AHRR: variants seen among roughly 807,000 people sequenced by gnomAD.
AHRR encodes the protein aryl hydrocarbon receptor repressor.
AHRR carries 28 observed loss-of-function variants against 44.0 expected under a neutral mutation model. The ratio of observed to expected loss-of-function variants is 0.64; its 90% CI spans 0.47 to 0.87. The LOEUF is 0.87. AHRR is among the 40% of genes least tolerant of loss of function. The pLI is 0.00. For synonymous variants in AHRR, 434 were observed against 407.0 expected (o/e 1.07, Z -0.80); for missense variants, 990 against 953.9 (o/e 1.04, Z -0.50).
intron 2 of AHRR, among the ~76,000 whole-genome samples, chr5:345,300 CTG>C (rs1161227755): frequency 1.2e-5 from 1 of 86,386 alleles, no homozygotes; most frequent in Non-Finnish European, 2.1e-5. Context: ...ATGTCCCTGG[CTG>C]TGTGTGGGGA....
intron 4 of AHRR, among the ~76,000 whole-genome samples, chr5:394,777 G>A (rs1466618814): frequency 2.0e-5 from 3 of 152,248 alleles, no homozygotes; most frequent in South Asian, 2.1e-4. Context: ...CCCTGGTTGC[G>A]TGGAGGGCAG....
chr5:351,005 C>T (rs1218966625), intron 2 of AHRR, among the ~76,000 whole-genome samples: 1 of 151,422 alleles, frequency 6.6e-6, no homozygotes, highest in Non-Finnish European at 1.5e-5. Flanking sequence ...TGAAAAGATG[C>T]TCAACATCAT....
At chr5:418,476 C>G (rs1038160755) in intron 5 of AHRR, among the ~76,000 whole-genome samples, 1 of 152,250 alleles carries the variant, frequency 6.6e-6, no homozygotes, top group Non-Finnish European at 1.5e-5. Context: ...CCTGCACCCT[C>G]CTCCACATGT....
chr5:434,191 C>T lies in AHRR; in HGVS notation c.1451C>T (p.Pro484Leu), dbSNP rs1736880059. The change falls in exon 11 of 11, where the codon CCC (proline) becomes CTC (leucine). Residue 484 changes from proline (P) to leucine (L), a missense_variant. Pro to Leu is a moderately conservative substitution (Grantham distance 98). Coordinates refer to ENST00000684583, the MANE Select transcript of AHRR (RefSeq NM_001377236.1). ...DQVHPPLCHF[P>L]QRSLQHQLPQ... Reference sequence around the variant, plus strand: ...GTGCACCCTCCCCTCTGCCACTTTCCCCAGAGGAGCCTGCAGCACCAGCTC... The same window carrying T: ...GTGCACCCTCCCCTCTGCCACTTTCTCCAGAGGAGCCTGCAGCACCAGCTC... The T allele has an allele frequency of 1.3e-6, 2 of 1,593,438 alleles. No homozygotes were observed. Among genetic ancestry groups the T allele is most frequent in the Non-Finnish European group, 1.7e-6 (2 of 1,169,982 alleles).
Position 434,914 on chromosome 5 carries a change from A to T in AHRR, c.*80A>T, listed in dbSNP as rs1736938425. 1 of 1,474,930 alleles carries T rather than the reference A, an allele frequency of 6.8e-7. No homozygotes were observed. Among genetic ancestry groups the T allele is most frequent in the African/African-American group, 1.4e-5 (1 of 71,828 alleles). 91.4% of individuals were successfully genotyped at this position (1,474,930 alleles called of 1,614,324 possible). ...TGGCTGGGCTGCCCTGCTCCTGGTC[A>T]GGCCGGAGCCCGTCCTAAGACACAC... On this transcript the variant is annotated 3_prime_UTR_variant, in exon 11 of 11. Transcript: ENST00000684583.
chr5:345,590 G>A (rs1742641450), intron 2 of AHRR, among the ~76,000 whole-genome samples: 1 of 150,882 alleles, frequency 6.6e-6, no homozygotes, highest in Admixed American at 6.6e-5. Context: ...GGGTGTGTGG[G>A]GGTGTGTCTG....
intron 2 of AHRR, among the ~76,000 whole-genome samples, chr5:347,541 G>C (rs115628399): frequency 0.065 from 9,867 of 152,238 alleles, 520 homozygotes; most frequent in Non-Finnish European, 0.087. Context: ...GGAAAAAAGA[G>C]GGAAAAAAGA....
In AHRR at chr5:434,514, CG is replaced by C. The variant is rs750379288; in HGVS notation, c.1780del (p.Ala594LeufsTer15). ...CATCTCGCACCTGGGGCACGGCGTG[CG>C]GGGGGCTCAGCCCCATGGGAGGGCC... is the stretch of plus-strand genomic sequence containing the variant. The part of the protein sequence containing the change: ...VYISHLGHGV[R>X]GAQPHGRATA... On this transcript the variant is annotated frameshift_variant, in exon 11 of 11. Transcript: ENST00000684583. 16 of 1,612,130 alleles carry C rather than the reference CG, an allele frequency of 9.9e-6. No homozygotes were observed. Among genetic ancestry groups the C allele is most frequent in the Non-Finnish European group, 1.2e-5 (14 of 1,179,690 alleles).
chr5:345,478 G>T (rs1208234200), intron 2 of AHRR, among the ~76,000 whole-genome samples: 1 of 131,144 alleles, frequency 7.6e-6, no homozygotes, highest in Non-Finnish European at 1.7e-5. Context: ...GTCCCTGGCT[G>T]TGTGTGGGGA....
intron 4 of AHRR, among the ~76,000 whole-genome samples, chr5:394,009 T>C (rs1734588014): frequency 6.6e-6 from 1 of 152,200 alleles, no homozygotes; most frequent in Admixed American, 6.5e-5. Context: ...AGGTCTCTCA[T>C]CTTTGGTTCT....
chr5:404,941 C>T lies in AHRR; in HGVS notation c.352-8403C>T, dbSNP rs760108090. ...CACGAGGCTGTCTTCACACTCCCCG[C>T]GGGGTCCATTTCATGTCCTGCTGAT... On this transcript the variant is annotated intron_variant, in intron 4 of 10. Coordinates refer to ENST00000684583, the MANE Select transcript of AHRR (RefSeq NM_001377236.1). The surrounding 1 kb of genome is among the most constrained non-coding windows in gnomAD (Gnocchi z 4.1). Among the ~76,000 whole-genome samples, 9 of 152,148 alleles carry T rather than the reference C, an allele frequency of 5.9e-5. No individual in the cohort carries two copies. Among genetic ancestry groups the T allele is most frequent in the Admixed American group, 1.3e-4 (2 of 15,280 alleles).
At chr5:353,605 C>T in intron 2 of AHRR, 125 bp from the exon 3 acceptor site, 1 of 852,742 alleles carries the variant, frequency 1.2e-6, no homozygotes, top group Non-Finnish European at 1.8e-6. Context: ...AGTCCTCTTC[C>T]CGTCTTTTGT....
At chr5:403,717 T>C in intron 4 of AHRR, 1 of 1,061,582 alleles carries the variant, frequency 9.4e-7, no homozygotes, top group Non-Finnish European at 1.4e-6. Context: ...GAGGCATATT[T>C]TTCCGTATTA....
intron 4 of AHRR, among the ~76,000 whole-genome samples, chr5:390,125 C>G (rs906489120): frequency 6.6e-6 from 1 of 152,110 alleles, no homozygotes; most frequent in Non-Finnish European, 1.5e-5. Context: ...GACAGAGGCC[C>G]GGCATCTGTG....
At chr5:426,612 TGGATGGAC>T in intron 7 of AHRR, among the ~76,000 whole-genome samples, 1 of 124,680 alleles carries the variant, frequency 8.0e-6, no homozygotes, top group East Asian at 2.0e-4. Flanking sequence ...GAAAGATGGA[TGGATGGAC>T]GGATGGGTGG....
intron 1 of AHRR, among the ~76,000 whole-genome samples, chr5:339,107 TTCTC>T (rs1241296929): frequency 1.3e-5 from 2 of 152,110 alleles, no homozygotes; most frequent in Non-Finnish European, 2.9e-5. Flanking sequence ...ATTTTTGGAA[TTCTC>T]TCTCTCTCTT....
intron 8 of AHRR, among the ~76,000 whole-genome samples, chr5:431,523 CCA>C (rs1252948618): frequency 6.6e-6 from 1 of 152,166 alleles, no homozygotes; most frequent in Non-Finnish European, 1.5e-5. Flanking sequence ...GTCCAGGGCA[CCA>C]CAGTGGTGCA....
At position 387,556 on chromosome 5, in the gene AHRR, T is replaced by A. The variant is rs932903237; in HGVS notation, c.351+10840T>A. ...AGGCACACAACAGCCATGCAGCACG[T>A]CCCTCCACCTGCCTTTCACCCTGTC... On this transcript the variant is annotated intron_variant, in intron 4 of 10. Transcript: ENST00000684583. The surrounding 1 kb of genome is among the most constrained non-coding windows in gnomAD (Gnocchi z 5.1). Among the ~76,000 whole-genome samples the A allele has an allele frequency of 2.6e-5, 4 of 152,178 alleles. No individual in the cohort carries two copies. Among genetic ancestry groups the A allele is most frequent in the Non-Finnish European group, 4.4e-5 (3 of 68,032 alleles).
intron 4 of AHRR, 98 bp from the exon 5 acceptor site, chr5:413,246 A>G: frequency 3.6e-6 from 3 of 827,544 alleles, no homozygotes; most frequent in South Asian, 3.4e-5. Context: ...ACTACAAAAC[A>G]GGAGGAAATT....
Sources: gnomAD v4.1 joint callset for allele counts (sites outside exome capture counted in the v4.1 genomes callset) on GRCh38, gnomAD v4.1.1 for gene constraint, Gnocchi (gnomAD v3.1) non-coding constraint, MANE v1.5 for transcripts, NCBI Gene and HGNC (gene_info 2026-07-23, HGNC 2026-07-21) for gene names.